RBFOX1: variants seen among roughly 807,000 people sequenced by gnomAD.
RBFOX1 encodes RNA binding protein fox-1 homolog 1.
In RBFOX1, 8 loss-of-function variants were observed where a neutral mutation model predicts 57.7. The ratio of observed to expected loss-of-function variants is 0.14; its 90% CI spans 0.08 to 0.25. The LOEUF (loss-of-function observed/expected upper bound fraction) is 0.25. Among genes scored for constraint, RBFOX1 ranks in the 10% least tolerant of loss-of-function variants. The pLI, the probability that RBFOX1 is intolerant of heterozygous loss-of-function variation, is 1.00. For synonymous variants in RBFOX1, 326 were observed against 222.4 expected, an observed-to-expected ratio of 1.47 and a Z score of -4.15; for missense variants, 611 against 548.5, an observed-to-expected ratio of 1.11 and a Z score of -1.14.
At chr16:5,972,203 GCA>G (rs1217858395) in intron 4 of RBFOX1, among the ~76,000 whole-genome samples, 1 of 151,874 alleles carries the variant, frequency 6.6e-6, no homozygotes, top group African/African-American at 2.4e-5. Flanking sequence ...ACACACATAA[GCA>G]CACACACACA....
At chr16:5,729,123 C>T (rs144225955) in intron 3 of RBFOX1, among the ~76,000 whole-genome samples, 290 of 152,296 alleles carry the variant, frequency 1.9e-3, no homozygotes, top group Non-Finnish European at 3.0e-3. Context: ...AACAGTTGAA[C>T]ATAGACTTTG....
At chr16:5,958,436 G>T (rs1567191852) in intron 4 of RBFOX1, among the ~76,000 whole-genome samples, 1 of 152,102 alleles carries the variant, frequency 6.6e-6, no homozygotes. Context: ...ATAGTCTGAT[G>T]CCAGACCACC....
At chr16:7,190,186 C>G (rs1014675859) in intron 4 of RBFOX1, among the ~76,000 whole-genome samples, 2 of 152,048 alleles carry the variant, frequency 1.3e-5, no homozygotes, top group African/African-American at 4.8e-5. Flanking sequence ...CATGGTGAAA[C>G]CCCGTCTCTA....
rs959036679 is a variant in RBFOX1 at position 6,114,575 on chromosome 16, G to T, written c.-127+94583G>T. Among the ~76,000 whole-genome samples, 78 of 151,802 alleles carry T rather than the reference G, an allele frequency of 5.1e-4. 1 individual carries two copies. Among genetic ancestry groups the T allele is most frequent in the African/African-American group, 1.7e-3 (69 of 41,292 alleles). ...TGGCATAAAAGTTTTCTTGGAGGGG[G>T]CGTAACTTATGGACTACTAACACTG... On this transcript the variant is annotated intron_variant, in intron 1 of 15. Coordinates refer to ENST00000550418, the MANE Select transcript of RBFOX1 (RefSeq NM_018723.4).
chr16:5,830,540 C>G (rs2056228732), intron 3 of RBFOX1, among the ~76,000 whole-genome samples: 1 of 152,068 alleles, frequency 6.6e-6, no homozygotes, highest in African/African-American at 2.4e-5. Flanking sequence ...GGTTCACGTC[C>G]CAGCCAGAGT....
intron 3 of RBFOX1, among the ~76,000 whole-genome samples, chr16:6,808,599 G>A (rs1307255842): frequency 6.6e-6 from 1 of 152,002 alleles, no homozygotes; most frequent in Admixed American, 6.6e-5. Context: ...TCAGGGTGTT[G>A]GTAGTTGTTA....
intron 2 of RBFOX1, among the ~76,000 whole-genome samples, chr16:5,503,414 A>G (rs1423214936): frequency 6.6e-6 from 1 of 152,220 alleles, no homozygotes; most frequent in Non-Finnish European, 1.5e-5. Flanking sequence ...TTTCAAGTGT[A>G]CAAGACACTG....
chr16:6,010,722 A>C (rs2094956332), intron 4 of RBFOX1, among the ~76,000 whole-genome samples: 1 of 152,186 alleles, frequency 6.6e-6, no homozygotes, highest in South Asian at 2.1e-4. Flanking sequence ...GTTTTGACTA[A>C]ATTCCCAAAC....
chr16:5,698,049 G>T (rs1025897820), intron 3 of RBFOX1, among the ~76,000 whole-genome samples: 3 of 152,010 alleles, frequency 2.0e-5, no homozygotes, highest in Non-Finnish European at 4.4e-5. Flanking sequence ...TAGGAGTTCT[G>T]GTTTTGAATC....
chr16:6,867,055 A>C, intron 3 of RBFOX1, among the ~76,000 whole-genome samples: 1 of 151,026 alleles, frequency 6.6e-6, no homozygotes. Flanking sequence ...TGCTATTATT[A>C]TGAGTTTGTA....
intron 1 of RBFOX1, among the ~76,000 whole-genome samples, chr16:5,250,801 C>G (rs1022013453): frequency 1.3e-5 from 2 of 152,162 alleles, no homozygotes; most frequent in Non-Finnish European, 2.9e-5. Context: ...TGGTTTCCGC[C>G]TTTTCCCAGT....
At chr16:7,647,185 A>G (rs2063916440) in intron 11 of RBFOX1, among the ~76,000 whole-genome samples, 1 of 152,190 alleles carries the variant, frequency 6.6e-6, no homozygotes, top group Non-Finnish European at 1.5e-5. Context: ...CTCCCCCAGA[A>G]TATGCTCTGT....
chr16:7,194,426 A>G (rs1258746884), intron 4 of RBFOX1, among the ~76,000 whole-genome samples: 1 of 152,238 alleles, frequency 6.6e-6, no homozygotes, highest in East Asian at 1.9e-4. Flanking sequence ...ATTTATGATT[A>G]TGGTACAGGA....
chr16:5,596,162 C>G (rs1179227139), intron 2 of RBFOX1, among the ~76,000 whole-genome samples: 1 of 152,132 alleles, frequency 6.6e-6, no homozygotes, highest in Non-Finnish European at 1.5e-5. Context: ...AGGAAGAAGG[C>G]TCTGCAGGGG....
chr16:6,418,122 A>T (rs1306399535), intron 2 of RBFOX1, among the ~76,000 whole-genome samples: 3 of 152,192 alleles, frequency 2.0e-5, no homozygotes, highest in Non-Finnish European at 4.4e-5. Context: ...TTTGCTAAGG[A>T]CTTACTGGGG....
intron 4 of RBFOX1, among the ~76,000 whole-genome samples, chr16:7,076,223 G>A (rs974287846): frequency 4.6e-5 from 7 of 151,088 alleles, no homozygotes; most frequent in South Asian, 2.1e-4. Flanking sequence ...TAGTAGAGAT[G>A]GGGTTTCACC....
chr16:5,551,912 G>C (rs1035866279), intron 2 of RBFOX1, among the ~76,000 whole-genome samples: 1 of 151,880 alleles, frequency 6.6e-6, no homozygotes, highest in African/African-American at 2.4e-5. Context: ...GTTCCTGTGT[G>C]AGTTTGCTGA....
chr16:7,244,598 G>C (rs1332493609), intron 4 of RBFOX1, among the ~76,000 whole-genome samples: 1 of 152,174 alleles, frequency 6.6e-6, no homozygotes, highest in African/African-American at 2.4e-5. Flanking sequence ...GGACACAATG[G>C]GGTTGGCCTA....
At chr16:6,590,732 A>G (rs1379933610) in intron 2 of RBFOX1, among the ~76,000 whole-genome samples, 3 of 152,134 alleles carry the variant, frequency 2.0e-5, no homozygotes, top group South Asian at 2.1e-4. Context: ...ACGGTCGTAC[A>G]TTTCCTCAAC....
Sources: gnomAD v4.1 joint callset for allele counts (sites outside exome capture counted in the v4.1 genomes callset) on GRCh38, gnomAD v4.1.1 for gene constraint, MANE v1.5 for transcripts, NCBI Gene and HGNC (gene_info 2026-07-23, HGNC 2026-07-21) for gene names.